The following NTRK2 variants were observed in gnomAD, a reference collection of about 807,000 sequenced individuals.
The protein encoded by NTRK2 is neurotrophic receptor tyrosine kinase 2.
In NTRK2, 13 loss-of-function variants were observed where a neutral mutation model predicts 94.5. That is an observed-to-expected ratio of 0.14 (90% confidence interval 0.09 to 0.22). The LOEUF (loss-of-function observed/expected upper bound fraction) is 0.22. Ranked by LOEUF, NTRK2 falls within the 10% of genes least tolerant of loss-of-function variation. NTRK2 has a pLI of 1.00. For synonymous variants in NTRK2, 372 were observed against 407.4 expected (o/e 0.91, Z 1.05); for missense variants, 639 against 1,071.2 (o/e 0.60, Z 5.63).
intron 15 of NTRK2, among the ~76,000 whole-genome samples, chr9:84,944,957 C>T (rs748138394): frequency 1.3e-5 from 2 of 152,158 alleles, no homozygotes; most frequent in Non-Finnish European, 2.9e-5. Context: ...AGAAGAAAAC[C>T]AGGGTCAGAG....
At chr9:84,679,474 C>T (rs933949444) in intron 2 of NTRK2, among the ~76,000 whole-genome samples, 2 of 152,014 alleles carry the variant, frequency 1.3e-5, no homozygotes, top group African/African-American at 4.8e-5. Context: ...GTGGGAAAGG[C>T]GACAAAGTAT....
At chr9:84,950,589 A>G (rs1298726700) in intron 16 of NTRK2, among the ~76,000 whole-genome samples, 2 of 47,958 alleles carry the variant, frequency 4.2e-5, no homozygotes, top group African/African-American at 6.2e-5. Flanking sequence ...TGGGTCTAAT[A>G]TGTTTTTTTT....
intron 5 of NTRK2, among the ~76,000 whole-genome samples, chr9:84,710,175 T>A (rs946054865): frequency 1.3e-5 from 2 of 152,230 alleles, no homozygotes; most frequent in African/African-American, 4.8e-5. Context: ...TAAATTGAGA[T>A]GAAATTGTTC....
Position 84,902,130 on chromosome 9 carries a change from A to G in NTRK2, c.1634-32032A>G, listed in dbSNP as rs181080108. 1.3e-4 allele frequency among the ~76,000 whole-genome samples: 20 copies of G among 152,068 alleles called. 1 individual carries two copies. The highest frequency in any genetic ancestry group is 4.6e-4 in the African/African-American group (19 of 41,430). On this transcript the variant is annotated intron_variant, in intron 14 of 18. Coordinates refer to ENST00000277120, the MANE Select transcript of NTRK2 (RefSeq NM_006180.6). The stretch of plus-strand genomic sequence containing the variant: ...AGAATTGTTTGAACCTGGGAGTCAG[A>G]AGCTGCAGGGACCTGAGATCATGCT...
chr9:84,754,199 A>G (rs931972577), intron 12 of NTRK2, among the ~76,000 whole-genome samples: 6 of 152,046 alleles, frequency 3.9e-5, no homozygotes, highest in African/African-American at 1.4e-4. Flanking sequence ...CCACAGAGCC[A>G]GTAAATGGCT....
rs142545611 is a variant in NTRK2 at position 84,975,864 on chromosome 9, T to C, written c.2172+20347T>C. On this transcript the variant is annotated intron_variant, in intron 17 of 18. Coordinates refer to ENST00000277120, the MANE Select transcript of NTRK2 (RefSeq NM_006180.6). ...GAAACAGATTTGAATTAAAGGGCTA[T>C]TGACAAAGGTGTAGATACGTTTTAG... Among the ~76,000 whole-genome samples the C allele has an allele frequency of 4.4e-3, 665 of 152,062 alleles. 19 individuals carry two copies. The highest frequency in any genetic ancestry group is 0.039 in the Admixed American group (603 of 15,282).
At chr9:84,825,201 C>G (rs2073108671) in intron 12 of NTRK2, among the ~76,000 whole-genome samples, 1 of 152,024 alleles carries the variant, frequency 6.6e-6, no homozygotes, top group African/African-American at 2.4e-5. Flanking sequence ...GTACCCCCAC[C>G]CTGTCTACCA....
At chr9:84,770,338 A>T (rs1181551195) in intron 12 of NTRK2, among the ~76,000 whole-genome samples, 1 of 152,130 alleles carries the variant, frequency 6.6e-6, no homozygotes, top group Non-Finnish European at 1.5e-5. Flanking sequence ...GGTATAATTT[A>T]CAAGTTCTCT....
chr9:84,867,516 GACTGGCGGGGA>G (rs1279191248), intron 14 of NTRK2, 85 bp downstream of exon 14: 1 of 1,129,982 alleles, frequency 8.8e-7, no homozygotes, highest in Admixed American at 1.7e-5. Context: ...TGATAGGGAT[GACTGGCGGGGA>G]ACAGGGTGCA....
chr9:84,755,909 G>T (rs2065045739), intron 12 of NTRK2, among the ~76,000 whole-genome samples: 1 of 151,992 alleles, frequency 6.6e-6, no homozygotes, highest in Non-Finnish European at 1.5e-5. Context: ...AGATGTCAAG[G>T]GGTAGAATAT....
chr9:84,852,571 G>A (rs1459612495), intron 12 of NTRK2, among the ~76,000 whole-genome samples: 1 of 152,124 alleles, frequency 6.6e-6, no homozygotes, highest in African/African-American at 2.4e-5. Flanking sequence ...AGGAGTTGCA[G>A]GTTCCATTTT....
At chr9:84,915,569 A>G (rs2077371460) in intron 14 of NTRK2, among the ~76,000 whole-genome samples, 1 of 152,154 alleles carries the variant, frequency 6.6e-6, no homozygotes, top group Non-Finnish European at 1.5e-5. Context: ...GCAGATGCTG[A>G]CACGATTGTT....
At chr9:84,970,255 G>C (rs1417450237) in intron 17 of NTRK2, among the ~76,000 whole-genome samples, 2 of 152,076 alleles carry the variant, frequency 1.3e-5, no homozygotes, top group African/African-American at 4.8e-5. Context: ...AAACTAGCCA[G>C]GTGTGGTGGT....
At chr9:84,999,600 G>C (rs980929471) in intron 17 of NTRK2, among the ~76,000 whole-genome samples, 5 of 152,134 alleles carry the variant, frequency 3.3e-5, no homozygotes, top group Non-Finnish European at 5.9e-5. Context: ...AAAAGTCTGA[G>C]TTTTTAAAAT....
At chr9:84,856,945 T>C (rs2075092799) in intron 12 of NTRK2, among the ~76,000 whole-genome samples, 1 of 152,212 alleles carries the variant, frequency 6.6e-6, no homozygotes, top group Admixed American at 6.5e-5. Flanking sequence ...CTAAGCCTCA[T>C]ATTTAATGTT....
At chr9:84,944,139 T>C (rs1330612077) in intron 15 of NTRK2, among the ~76,000 whole-genome samples, 2 of 151,634 alleles carry the variant, frequency 1.3e-5, no homozygotes. Context: ...GACATGGAAA[T>C]GTTAGATGCT....
chr9:84,684,932 C>G (rs1380978626), intron 2 of NTRK2, among the ~76,000 whole-genome samples: 3 of 151,910 alleles, frequency 2.0e-5, no homozygotes, highest in Non-Finnish European at 4.4e-5. Context: ...TTCTTCTCCT[C>G]CTTCTCTTCC....
At position 84,669,833 on chromosome 9, in the gene NTRK2, G is replaced by C. The variant is rs200959629; in HGVS notation, c.-428G>C. Reference sequence around the variant, plus strand: ...GCGCTCTACGCGCTCAGTCCCCGGCGGTAGCAGGAGCCTGGACCCAGGCGC... The same window carrying C: ...GCGCTCTACGCGCTCAGTCCCCGGCCGTAGCAGGAGCCTGGACCCAGGCGC... On this transcript the variant is annotated 5_prime_UTR_variant, in exon 1 of 19. Coordinates refer to ENST00000277120, the MANE Select transcript of NTRK2 (RefSeq NM_006180.6). This position sits in a 1 kb window ranked among gnomAD's most constrained non-coding sequence, Gnocchi z 4.1. 6.6e-6 allele frequency: 1 copy of C among 152,620 alleles called. No individual in the cohort carries two copies. The highest frequency in any genetic ancestry group is 1.5e-5 in the Non-Finnish European group (1 of 68,164). 9.5% of individuals were successfully genotyped at this position (152,620 alleles called of 1,614,324 possible).
At position 84,783,784 on chromosome 9, in the gene NTRK2, G is replaced by A. The variant is rs1298179754; in HGVS notation, c.1396+31699G>A. ...CTGGTTTGGCTTGAGCAGAGAACGG[G>A]GGTAGAGAATTGGGAGAAGAGACTG... On this transcript the variant is annotated intron_variant, in intron 12 of 18. Transcript: ENST00000277120. 3.9e-5 allele frequency among the ~76,000 whole-genome samples: 6 copies of A among 152,100 alleles called. No homozygotes were observed. The East Asian group carries it at 9.7e-4, about 24-fold the overall frequency.
Sources: gnomAD v4.1 joint callset for allele counts (sites outside exome capture counted in the v4.1 genomes callset) on GRCh38, gnomAD v4.1.1 for gene constraint, Gnocchi (gnomAD v3.1) non-coding constraint, MANE v1.5 for transcripts, NCBI Gene and HGNC (gene_info 2026-07-23, HGNC 2026-07-21) for gene names.